SCML4: variants seen among roughly 807,000 people sequenced by gnomAD.
SCML4 encodes the protein sex comb on midleg-like protein 4.
Under a neutral mutation model 41.1 loss-of-function variants are expected in SCML4, and 34 were observed. The ratio of observed to expected loss-of-function variants is 0.83; its 90% CI spans 0.63 to 1.10. SCML4 has a LOEUF of 1.10. Among genes scored for constraint, SCML4 ranks in the 50% least tolerant of loss-of-function variants. The pLI, the probability that SCML4 is intolerant of heterozygous loss-of-function variation, is 0.00. For missense variants in SCML4, 522 were observed against 534.1 expected, an observed-to-expected ratio of 0.98 and a Z score of 0.22; for synonymous variants, 214 against 220.9, an observed-to-expected ratio of 0.97 and a Z score of 0.28.
intron 1 of SCML4, among the ~76,000 whole-genome samples, chr6:107,785,659 C>T (rs74762904): frequency 0.036 from 5,508 of 152,242 alleles, 281 homozygotes; most frequent in African/African-American, 0.11. Flanking sequence ...GCAAGGTCAC[C>T]GGGGTGCTGT....
At chr6:107,788,088 G>A (rs1023914730) in intron 1 of SCML4, among the ~76,000 whole-genome samples, 3 of 152,184 alleles carry the variant, frequency 2.0e-5, no homozygotes, top group African/African-American at 7.2e-5. Flanking sequence ...AAGGAAAGAT[G>A]CATTTAGAGG....
rs372589536 is a variant in SCML4, at chr6:107,707,117, A to G, written c.1119+749T>C. The stretch of plus-strand genomic sequence containing the variant: ...TTGGGATGAGACCAGCCTGGCCAAC[A>G]TGGTGAAACCCAGTCTCTACTAAAA... On this transcript the variant is annotated intron_variant, in intron 7 of 7. Coordinates refer to ENST00000369020, the MANE Select transcript of SCML4 (RefSeq NM_198081.5). Among the ~76,000 whole-genome samples, 3 of 152,300 alleles carry G rather than the reference A, an allele frequency of 2.0e-5. No individual in the cohort carries two copies. In the East Asian group the frequency reaches 5.8e-4, roughly 29 times the overall value.
At chr6:107,728,983 T>C (rs1216684861) in intron 5 of SCML4, among the ~76,000 whole-genome samples, 1 of 152,196 alleles carries the variant, frequency 6.6e-6, no homozygotes, top group African/African-American at 2.4e-5. Context: ...GGGGTTCTGA[T>C]ACATCATAGC....
At chr6:107,727,656 G>A (rs949409374) in intron 5 of SCML4, among the ~76,000 whole-genome samples, 2 of 152,208 alleles carry the variant, frequency 1.3e-5, no homozygotes, top group East Asian at 1.9e-4. Flanking sequence ...TGATGGCCTC[G>A]CTGCATCTCT....
chr6:107,752,262 CA>C (rs1778759222), intron 2 of SCML4, among the ~76,000 whole-genome samples: 2 of 151,078 alleles, frequency 1.3e-5, no homozygotes, highest in Non-Finnish European at 2.9e-5. Context: ...TAGAGAAGAT[CA>C]GGGGTGAGTT....
At chr6:107,720,648 G>C in intron 6 of SCML4, 55 bp downstream of exon 6, 1 of 1,464,852 alleles carries the variant, frequency 6.8e-7, no homozygotes, top group Admixed American at 2.5e-5. Flanking sequence ...TGTGCTCCCC[G>C]CGCAAGGGCA....
At chr6:107,729,538 G>A (rs993039845) in intron 5 of SCML4, among the ~76,000 whole-genome samples, 4 of 152,156 alleles carry the variant, frequency 2.6e-5, no homozygotes, top group East Asian at 1.9e-4. Flanking sequence ...CCAGATACCC[G>A]AGAATTTGAA....
At chr6:107,705,635 C>G (rs779612722) in intron 7 of SCML4, among the ~76,000 whole-genome samples, 4 of 152,128 alleles carry the variant, frequency 2.6e-5, no homozygotes, top group Admixed American at 1.3e-4. Flanking sequence ...AAGTTTATCT[C>G]CTCATCCAAA....
At chr6:107,769,300 G>A (rs1780324149) in intron 2 of SCML4, among the ~76,000 whole-genome samples, 1 of 152,200 alleles carries the variant, frequency 6.6e-6, no homozygotes, top group Non-Finnish European at 1.5e-5. Flanking sequence ...GAGGGGGCCT[G>A]ACCTATGAAC....
At chr6:107,802,567 C>CGAGG (rs1360884805) in intron 1 of SCML4, among the ~76,000 whole-genome samples, 14 of 82,688 alleles carry the variant, frequency 1.7e-4, no homozygotes, top group African/African-American at 5.2e-4. Flanking sequence ...AGCATTGGCT[C>CGAGG]GAGGGAGGGA....
At chr6:107,787,192 A>G (rs1704813676) in intron 1 of SCML4, among the ~76,000 whole-genome samples, 1 of 152,212 alleles carries the variant, frequency 6.6e-6, no homozygotes, top group Non-Finnish European at 1.5e-5. Flanking sequence ...CTGATACAAC[A>G]TGAAAGCTTG....
chr6:107,749,950 T>C, intron 2 of SCML4, 137 bp from the exon 3 acceptor site: 3 of 816,930 alleles, frequency 3.7e-6, no homozygotes, highest in Non-Finnish European at 3.9e-6. Context: ...TTTCGGGGCC[T>C]GAGCTGCAGA....
chr6:107,825,753 T>G (rs1287428821), upstream of SCML4, among the ~76,000 whole-genome samples: 1 of 150,508 alleles, frequency 6.6e-6, no homozygotes, highest in African/African-American at 2.5e-5. Context: ...ATCCTGTGAA[T>G]GGTGAAACCC....
At position 107,703,796 on chromosome 6, in the gene SCML4, A is replaced by T. The variant is rs1035746412; in HGVS notation, c.*1404T>A. ...CCCTCTCCCTCCCAGAAATTCCAAA[A>T]TCTAATGTTCATCTCCTCATCTCCA... On this transcript the variant is annotated 3_prime_UTR_variant, in exon 8 of 8. Transcript: ENST00000369020. Among the ~76,000 whole-genome samples the T allele has an allele frequency of 2.6e-5, 4 of 152,200 alleles. No homozygotes were observed. Among genetic ancestry groups the T allele is most frequent in the African/African-American group, 9.7e-5 (4 of 41,442 alleles).
intron 5 of SCML4, among the ~76,000 whole-genome samples, chr6:107,724,540 G>A (rs1233911457): frequency 6.6e-6 from 1 of 151,826 alleles, no homozygotes; most frequent in Non-Finnish European, 1.5e-5. Context: ...ATAATAGTAT[G>A]AAAAAGAATA....
chr6:107,739,419 C>T (rs538201438), intron 5 of SCML4, among the ~76,000 whole-genome samples: 1 of 152,084 alleles, frequency 6.6e-6, no homozygotes, highest in African/African-American at 2.4e-5. Context: ...AGTTCCTTAG[C>T]TGTCATGGCT....
chr6:107,770,611 A>G (rs1780437778), intron 2 of SCML4, among the ~76,000 whole-genome samples: 1 of 152,232 alleles, frequency 6.6e-6, no homozygotes, highest in African/African-American at 2.4e-5. Flanking sequence ...GCTCTGTATT[A>G]TCAGCCAACC....
chr6:107,843,091 AAGG>A, the SCML4 span, among the ~76,000 whole-genome samples: 17 of 152,292 alleles, frequency 1.1e-4, no homozygotes, highest in African/African-American at 3.8e-4. Flanking sequence ...AAAATACCAA[AAGG>A]AGAAGAGAGA....
chr6:107,702,281 G>A lies in SCML4; in HGVS notation c.*2919C>T, dbSNP rs1024601222. 6.6e-6 allele frequency among the ~76,000 whole-genome samples: 1 copy of A among 152,190 alleles called. No homozygotes were observed. The highest frequency in any genetic ancestry group is 2.4e-5 in the African/African-American group (1 of 41,446). On this transcript the variant is annotated 3_prime_UTR_variant, in exon 8 of 8. Coordinates refer to ENST00000369020, the MANE Select transcript of SCML4 (RefSeq NM_198081.5). Reference sequence around the variant, plus strand: ...ATGCAAAATGAGATAGCACCTCCGCGAGAGAAGTTCCACGTGAACATGGAT... The same window carrying A: ...ATGCAAAATGAGATAGCACCTCCGCAAGAGAAGTTCCACGTGAACATGGAT...
Sources: allele counts gnomAD v4.1 joint callset (sites outside exome capture counted in the v4.1 genomes callset), GRCh38; gene constraint gnomAD v4.1.1; transcripts MANE v1.5; gene names NCBI Gene and HGNC (gene_info 2026-07-23, HGNC 2026-07-21).